SEMA5A: variants seen among roughly 807,000 people sequenced by gnomAD.
SEMA5A encodes semaphorin 5A, also known as semaphorin-5A.
In SEMA5A, 55 loss-of-function variants were observed where a neutral mutation model predicts 135.5. The ratio of observed to expected loss-of-function variants is 0.41; its 90% confidence interval spans 0.33 to 0.51. SEMA5A has a LOEUF of 0.51. Ranked by LOEUF, SEMA5A falls within the 20% of genes least tolerant of loss-of-function variation. The probability of loss-of-function intolerance (pLI) is 0.37; values close to 1 mark genes in which losing one functional copy is unlikely to be tolerated. For missense variants in SEMA5A, 1,290 were observed against 1,419.9 expected, an observed-to-expected ratio of 0.91 and a Z score of 1.47; for synonymous variants, 580 against 546.5, an observed-to-expected ratio of 1.06 and a Z score of -0.85.
At chr5:9,289,582 T>C (rs72727234) in intron 5 of SEMA5A, among the ~76,000 whole-genome samples, 27,437 of 151,988 alleles carry the variant, frequency 0.18, 2,869 homozygotes, top group Middle Eastern at 0.23. Context: ...GGAGAATCAC[T>C]TGAACCCAGG....
At chr5:9,431,360 A>G (rs902678783) in intron 2 of SEMA5A, among the ~76,000 whole-genome samples, 2 of 152,182 alleles carry the variant, frequency 1.3e-5, no homozygotes, top group East Asian at 3.8e-4. Context: ...TTACATGAAA[A>G]TGTGGTGATA....
chr5:9,087,177 C>A (rs1738744156), intron 16 of SEMA5A, among the ~76,000 whole-genome samples: 1 of 152,198 alleles, frequency 6.6e-6, no homozygotes, highest in Non-Finnish European at 1.5e-5. Flanking sequence ...CACCTGCTCC[C>A]TAAATCGGAC....
chr5:9,197,411 A>G, intron 9 of SEMA5A, 108 bp from the exon 10 acceptor site: 1 of 1,316,148 alleles, frequency 7.6e-7, no homozygotes, highest in Non-Finnish European at 1.0e-6. Flanking sequence ...CAGAGGTCTC[A>G]AGACCACAGT....
intron 11 of SEMA5A, 62 bp downstream of exon 11, chr5:9,190,205 A>C (rs774981140): frequency 2.3e-5 from 35 of 1,535,070 alleles, no homozygotes; most frequent in Non-Finnish European, 3.1e-5. Context: ...TTTAGAATCT[A>C]AATCTAAAAC....
chr5:9,269,388 A>C (rs1749852642), intron 5 of SEMA5A, among the ~76,000 whole-genome samples: 1 of 152,160 alleles, frequency 6.6e-6, no homozygotes, highest in African/African-American at 2.4e-5. Context: ...GTAGAAAGAC[A>C]ATGGAGATGG....
chr5:9,169,552 A>G (rs1262358676), intron 11 of SEMA5A, among the ~76,000 whole-genome samples: 1 of 152,160 alleles, frequency 6.6e-6, no homozygotes, highest in African/African-American at 2.4e-5. Flanking sequence ...ACGTGATGCA[A>G]AGGACACATT....
chr5:9,121,159 T>C (rs1438497697), intron 14 of SEMA5A, among the ~76,000 whole-genome samples: 2 of 152,164 alleles, frequency 1.3e-5, no homozygotes, highest in Non-Finnish European at 2.9e-5. Context: ...AATAAAAGTG[T>C]ATATAAGTAA....
intron 16 of SEMA5A, among the ~76,000 whole-genome samples, chr5:9,066,865 C>A (rs1350201190): frequency 1.3e-5 from 2 of 152,284 alleles, no homozygotes; most frequent in Non-Finnish European, 2.9e-5. Flanking sequence ...CACAGTCTCT[C>A]CTGTGTAAAC....
intron 19 of SEMA5A, among the ~76,000 whole-genome samples, chr5:9,053,645 C>G (rs1736718281): frequency 1.3e-5 from 2 of 152,126 alleles, no homozygotes; most frequent in South Asian, 4.1e-4. Flanking sequence ...CCCACTCAGA[C>G]CTCCAGACTC....
intron 5 of SEMA5A, among the ~76,000 whole-genome samples, chr5:9,248,453 A>G (rs1185961399): frequency 6.6e-6 from 1 of 151,940 alleles, no homozygotes; most frequent in Non-Finnish European, 1.5e-5. Flanking sequence ...TTGAAACACA[A>G]CTTTGTGTAT....
chr5:9,435,967 G>C (rs1274269124), intron 2 of SEMA5A, among the ~76,000 whole-genome samples: 1 of 152,180 alleles, frequency 6.6e-6, no homozygotes, highest in Non-Finnish European at 1.5e-5. Context: ...AAATATGACT[G>C]TTCTTATTCT....
At chr5:9,468,766 C>A (rs1338464654) in intron 1 of SEMA5A, among the ~76,000 whole-genome samples, 1 of 152,148 alleles carries the variant, frequency 6.6e-6, no homozygotes. Context: ...TTACTAGTAT[C>A]ACAACACCAG....
intron 1 of SEMA5A, among the ~76,000 whole-genome samples, chr5:9,490,644 T>C (rs530842047): frequency 6.6e-6 from 1 of 152,262 alleles, no homozygotes; most frequent in East Asian, 1.9e-4. Flanking sequence ...AAATAAATGG[T>C]CTGCAAAGCT....
chr5:9,193,289 G>C (rs1181472429), intron 10 of SEMA5A, among the ~76,000 whole-genome samples: 1 of 152,120 alleles, frequency 6.6e-6, no homozygotes, highest in Non-Finnish European at 1.5e-5. Context: ...GGCACTGTGT[G>C]ACTCCCTGGG....
chr5:9,401,264 T>C (rs1756650355), intron 2 of SEMA5A, among the ~76,000 whole-genome samples: 1 of 152,216 alleles, frequency 6.6e-6, no homozygotes, highest in Non-Finnish European at 1.5e-5. Flanking sequence ...TGCCTGGACC[T>C]ATTTCTTCCA....
intron 3 of SEMA5A, among the ~76,000 whole-genome samples, chr5:9,352,461 G>A (rs182183364): frequency 1.9e-4 from 29 of 152,174 alleles, no homozygotes. Flanking sequence ...TGTTGCCCAG[G>A]CTGATCTTGA....
At chr5:9,309,507 A>G (rs1561132184) in intron 5 of SEMA5A, among the ~76,000 whole-genome samples, 4 of 151,986 alleles carry the variant, frequency 2.6e-5, no homozygotes, top group Admixed American at 6.6e-5. Context: ...CTGGCATGGC[A>G]TGATCCTTTG....
intron 5 of SEMA5A, among the ~76,000 whole-genome samples, chr5:9,308,399 A>G (rs1398009908): frequency 2.0e-5 from 3 of 152,258 alleles, no homozygotes; most frequent in African/African-American, 7.2e-5. Flanking sequence ...TGGGATTAAC[A>G]GCGGTTCTAT....
chr5:9,381,587 A>G (rs1252693286), intron 2 of SEMA5A, among the ~76,000 whole-genome samples: 2 of 152,236 alleles, frequency 1.3e-5, no homozygotes, highest in Non-Finnish European at 2.9e-5. Flanking sequence ...TCAGAAGTCC[A>G]ACTACCCTGA....
Sources: allele counts gnomAD v4.1 joint callset (sites outside exome capture counted in the v4.1 genomes callset), GRCh38; gene constraint gnomAD v4.1.1; transcripts MANE v1.5; gene names NCBI Gene and HGNC (gene_info 2026-07-23, HGNC 2026-07-21).